Variants in VAPA observed in about 807,000 individuals in gnomAD.
VAPA encodes the protein vesicle-associated membrane protein-associated protein A.
VAPA carries 6 observed loss-of-function variants against 25.6 expected under a neutral mutation model. The observed-to-expected ratio is 0.23, with a 90% confidence interval of 0.13 to 0.46. The LOEUF is 0.46. Ranked by LOEUF, VAPA falls within the 20% of genes least tolerant of loss-of-function variation. The pLI is 0.99. For synonymous variants in VAPA, 112 were observed against 106.2 expected (o/e 1.05, Z -0.34); for missense variants, 244 against 302.1 (o/e 0.81, Z 1.43).
At position 9,955,963 on chromosome 18, in the gene VAPA, A is replaced by G. The variant is rs29069; in HGVS notation, c.*1752A>G. On this transcript the variant is annotated 3_prime_UTR_variant, in exon 6 of 6. Transcript: ENST00000400000. ...ATAGTCTTATATTTTCACCCCATAAATGCAGAATCAGTAATTCCTTGGCTT... is the reference window on the plus strand; with the variant it reads ...ATAGTCTTATATTTTCACCCCATAAGTGCAGAATCAGTAATTCCTTGGCTT... 108,560 of 152,086 alleles carry G rather than the reference A, an allele frequency of 0.71. 38,882 individuals carry two copies. The highest frequency in any genetic ancestry group is 0.75 in the African/African-American group (31,101 of 41,486). The allele number at this position is 152,086 out of a possible 1,614,324, so 9.4% of individuals were successfully genotyped here.
chr18:9,920,129 T>TGGA (rs1344026189), intron 1 of VAPA, among the ~76,000 whole-genome samples: 1 of 152,062 alleles, frequency 6.6e-6, no homozygotes, highest in Non-Finnish European at 1.5e-5. Flanking sequence ...GTGAGAGAGA[T>TGGA]GGAGGAGGAG....
intron 1 of VAPA, chr18:9,924,910 A>G (rs1414302601): frequency 6.6e-6 from 1 of 151,950 alleles, no homozygotes; most frequent in African/African-American, 2.4e-5. Context: ...AAGTCATAGT[A>G]TAACATCAGT....
chr18:9,953,925 A>G (rs2069515537), intron 5 of VAPA, 128 bp from the exon 6 acceptor site: 1 of 1,058,648 alleles, frequency 9.4e-7, no homozygotes, highest in Non-Finnish European at 1.4e-6. Flanking sequence ...TTAGCAGTTA[A>G]TCCCCTTTTC....
At chr18:9,947,764 C>T (rs780258460) in intron 4 of VAPA, 3 of 152,146 alleles carry the variant, frequency 2.0e-5, no homozygotes, top group Non-Finnish European at 4.4e-5. Context: ...CCAAACCTCA[C>T]TAATAGAGGT....
intron 2 of VAPA, among the ~76,000 whole-genome samples, chr18:9,933,173 A>G (rs768392266): frequency 2.6e-5 from 4 of 152,208 alleles, no homozygotes; most frequent in East Asian, 3.9e-4. Context: ...ATAATTCTGT[A>G]TCAGTTTTCA....
At chr18:9,943,930 G>A (rs972305167) in intron 4 of VAPA, among the ~76,000 whole-genome samples, 1 of 126,658 alleles carries the variant, frequency 7.9e-6, no homozygotes, top group Non-Finnish European at 1.6e-5. Context: ...GCGCGATCTC[G>A]GCTCACTGTA....
At chr18:9,946,820 T>C (rs892342364) in intron 4 of VAPA, among the ~76,000 whole-genome samples, 1 of 152,224 alleles carries the variant, frequency 6.6e-6, no homozygotes, top group Non-Finnish European at 1.5e-5. Context: ...TAATCTTAGC[T>C]GTCCGTAACT....
chr18:9,934,011 C>A (rs1223210817), intron 2 of VAPA, among the ~76,000 whole-genome samples: 1 of 152,154 alleles, frequency 6.6e-6, no homozygotes, highest in Non-Finnish European at 1.5e-5. Flanking sequence ...ACACTTTCTC[C>A]CACAGAAACC....
chr18:9,918,357 T>G (rs2069129578), intron 1 of VAPA, among the ~76,000 whole-genome samples: 1 of 152,204 alleles, frequency 6.6e-6, no homozygotes, highest in South Asian at 2.1e-4. Context: ...TTCAGACTTT[T>G]TGGAAAAATA....
intron 1 of VAPA, among the ~76,000 whole-genome samples, chr18:9,926,607 G>T (rs893508480): frequency 1.3e-5 from 2 of 152,094 alleles, no homozygotes; most frequent in African/African-American, 4.8e-5. Flanking sequence ...TTCCATGGAG[G>T]TGACAGAGGT....
rs2069589417 is a variant in VAPA at position 9,959,924 on chromosome 18, AAT to A, written c.*5718_*5719del. The A allele has an allele frequency of 6.6e-6, 1 of 152,074 alleles. No individual in the cohort carries two copies. The highest frequency in any genetic ancestry group is 1.5e-5 in the Non-Finnish European group (1 of 67,988). 9.4% of individuals were successfully genotyped at this position (152,074 alleles called of 1,614,324 possible). On this transcript the variant is annotated 3_prime_UTR_variant, in exon 6 of 6. Coordinates refer to ENST00000400000, the MANE Select transcript of VAPA (RefSeq NM_194434.3). ...CTTAATTGTATATAATATGTAGATAAATATATGAGGGTATTAAGCTACTTTGA... is the reference window on the plus strand; with the variant it reads ...CTTAATTGTATATAATATGTAGATAAATATGAGGGTATTAAGCTACTTTGA...
chr18:9,920,674 G>A (rs961083148), intron 1 of VAPA, among the ~76,000 whole-genome samples: 1 of 152,198 alleles, frequency 6.6e-6, no homozygotes, highest in African/African-American at 2.4e-5. Flanking sequence ...GGCTGTTACT[G>A]TTAGTCCCTT....
At chr18:9,924,020 A>G (rs186501725) in intron 1 of VAPA, 46 of 153,594 alleles carry the variant, frequency 3.0e-4, no homozygotes, top group Non-Finnish European at 3.3e-4. Context: ...AAGCCAATAA[A>G]AATTACTCAA....
rs988205598 is a variant in VAPA, at chr18:9,957,491, A to G, written c.*3280A>G. 2 of 152,180 alleles carry G rather than the reference A, an allele frequency of 1.3e-5. No individual in the cohort carries two copies. The highest frequency in any genetic ancestry group is 3.2e-3 in the Middle Eastern group (1 of 316). The allele number at this position is 152,180 out of a possible 1,614,324, so 9.4% of individuals were successfully genotyped here. A position where few individuals can be genotyped will look rare whatever the true frequency, so the allele number is the denominator to read the frequency against. ...GGGTATTCCCAACTTGTGATCTTCT[A>G]CCACTTTAGAGACATTCAAGTAATA... On this transcript the variant is annotated 3_prime_UTR_variant, in exon 6 of 6. Transcript: ENST00000400000.
Position 9,950,434 on chromosome 18 carries a change from T to G in VAPA, c.457T>G (p.Ser153Ala). The G allele has an allele frequency of 6.2e-7, 1 of 1,614,038 alleles. No individual in the cohort carries two copies. Among genetic ancestry groups the G allele is most frequent in the Non-Finnish European group, 8.5e-7 (1 of 1,179,990 alleles). Residue 153 changes from serine (S) to alanine (A), a missense_variant, in exon 5 of 6, where the codon TCT becomes GCT. Physicochemically the swap from Ser to Ala is moderately conservative, Grantham distance 99. Transcript: ENST00000400000. ...EPSKAVPLNASKQDGPMPKPH... is the reference protein window; with the variant it reads ...EPSKAVPLNAAKQDGPMPKPH... ...TAGCAAAGCTGTTCCACTGAATGCATCTAAGCAAGATGGACCTATGCCAAA... is the reference window on the plus strand; with the variant it reads ...TAGCAAAGCTGTTCCACTGAATGCAGCTAAGCAAGATGGACCTATGCCAAA...
In VAPA at chr18:9,950,477, TTAA is replaced by T. The variant is rs1235257935; in HGVS notation, c.502_504del (p.Asn168del). 6.2e-7 allele frequency: 1 copy of T among 1,614,130 alleles called. No individual in the cohort carries two copies. The highest frequency in any genetic ancestry group is 1.1e-5 in the South Asian group (1 of 91,076). ...ATGCCAAAACCACACAGTGTTTCAC[TTAA>T]TGATACCGAAACAAGGAAACTAATG... On this transcript the variant is annotated inframe_deletion, in exon 5 of 6. Transcript: ENST00000400000.
intron 1 of VAPA, among the ~76,000 whole-genome samples, chr18:9,919,941 G>GT (rs767517256): frequency 2.0e-5 from 3 of 152,210 alleles, no homozygotes; most frequent in Non-Finnish European, 2.9e-5. Context: ...TGAGGTCATG[G>GT]TATTGGAGGT....
At chr18:9,949,066 G>A (rs573399684) in intron 4 of VAPA, 1 of 152,284 alleles carries the variant, frequency 6.6e-6, no homozygotes, top group Admixed American at 6.5e-5. Flanking sequence ...AATCACAAAT[G>A]AGTTCTAACT....
At chr18:9,950,621 T>C (rs1316968198) in intron 5 of VAPA, 53 bp downstream of exon 5, 4 of 1,568,042 alleles carry the variant, frequency 2.6e-6, no homozygotes, top group Middle Eastern at 1.7e-4. Flanking sequence ...ATAGGACATG[T>C]GAGTGTTATT....
Sources: allele counts gnomAD v4.1 joint callset (sites outside exome capture counted in the v4.1 genomes callset), GRCh38; gene constraint gnomAD v4.1.1; transcripts MANE v1.5; gene names NCBI Gene and HGNC (gene_info 2026-07-23, HGNC 2026-07-21).